Variants in PHLPP1 observed in about 807,000 individuals in gnomAD.
The protein encoded by PHLPP1 is PH domain and leucine rich repeat protein phosphatase 1, also known as PH domain leucine-rich repeat-containing protein phosphatase 1.
In PHLPP1, 42 loss-of-function variants were observed where a neutral mutation model predicts 117.2. The ratio of observed to expected loss-of-function variants is 0.36; its 90% CI spans 0.28 to 0.46. The LOEUF is 0.46. Ranked by LOEUF, PHLPP1 falls within the 20% of genes least tolerant of loss-of-function variation. The pLI is 1.00. For missense variants in PHLPP1, 2,084 were observed against 2,241.9 expected (o/e 0.93, Z 1.42); for synonymous variants, 1,042 against 970.7 (o/e 1.07, Z -1.37).
intron 1 of PHLPP1, among the ~76,000 whole-genome samples, chr18:62,768,268 C>G (rs900261106): frequency 4.6e-5 from 7 of 152,126 alleles, no homozygotes; most frequent in African/African-American, 1.7e-4. Context: ...AATATTGTCT[C>G]CCTTTTTTCA....
At chr18:62,899,358 A>G (rs1482682006) in intron 6 of PHLPP1, among the ~76,000 whole-genome samples, 1 of 152,134 alleles carries the variant, frequency 6.6e-6, no homozygotes, top group African/African-American at 2.4e-5. Flanking sequence ...TGTAGAAGCT[A>G]TTCAGGCAGG....
intron 1 of PHLPP1, among the ~76,000 whole-genome samples, chr18:62,804,907 A>G (rs531820906): frequency 6.7e-6 from 1 of 149,832 alleles, no homozygotes; most frequent in South Asian, 2.1e-4. Context: ...ATACATATAC[A>G]GTATAATATA....
chr18:62,724,132 A>G (rs1380467489), intron 1 of PHLPP1, among the ~76,000 whole-genome samples: 1 of 152,154 alleles, frequency 6.6e-6, no homozygotes, highest in East Asian at 1.9e-4. Context: ...TCGATGTTTG[A>G]TTACCCCGTT....
chr18:62,819,764 G>A (rs1914395457), intron 1 of PHLPP1, among the ~76,000 whole-genome samples: 1 of 152,176 alleles, frequency 6.6e-6, no homozygotes, highest in Non-Finnish European at 1.5e-5. Context: ...TCCTGCCTCA[G>A]CCTCCCGAGT....
At chr18:62,883,340 T>C (rs61354420) in intron 4 of PHLPP1, among the ~76,000 whole-genome samples, 2,676 of 152,278 alleles carry the variant, frequency 0.018, 76 homozygotes, top group African/African-American at 0.061. Flanking sequence ...GCAGGTGGTA[T>C]TCAGGGAATG....
chr18:62,967,832 T>TA lies in PHLPP1; in HGVS notation c.3560+4360_3560+4361insA, dbSNP rs1910946432. 2.6e-5 allele frequency among the ~76,000 whole-genome samples: 4 copies of TA among 152,068 alleles called. No individual in the cohort carries two copies. In the East Asian group the frequency reaches 7.7e-4, roughly 29 times the overall value. Reference sequence around the variant, plus strand: ...GTCACGATGTAGTATATTTTTCTTTTTTTTTTTTTTAGACAGCGTTTCACT... The same window carrying TA: ...GTCACGATGTAGTATATTTTTCTTTTATTTTTTTTTTAGACAGCGTTTCACT... On this transcript the variant is annotated intron_variant, in intron 14 of 16. Coordinates refer to ENST00000262719, the MANE Select transcript of PHLPP1 (RefSeq NM_194449.4).
chr18:62,963,798 C>T (rs1910831615), intron 14 of PHLPP1, among the ~76,000 whole-genome samples: 1 of 152,204 alleles, frequency 6.6e-6, no homozygotes, highest in South Asian at 2.1e-4. Flanking sequence ...GCTCCTTTAT[C>T]TTCCTCTGAC....
Position 62,972,378 on chromosome 18 carries a change from T to C in PHLPP1, c.3561-136T>C, listed in dbSNP as rs915890705. On this transcript the variant is annotated intron_variant, in intron 14 of 16. Coordinates refer to ENST00000262719, the MANE Select transcript of PHLPP1 (RefSeq NM_194449.4). Reference sequence around the variant, plus strand: ...GCTGTTGGAAATTAGCTGGAGTCAGTTTACCTGCCCTTAATCTGTCTGGAG... The same window carrying C: ...GCTGTTGGAAATTAGCTGGAGTCAGCTTACCTGCCCTTAATCTGTCTGGAG... 1.3e-5 allele frequency: 9 copies of C among 692,398 alleles called. No homozygotes were observed. In the African/African-American group the frequency reaches 1.6e-4, roughly 13 times the overall value. 42.9% of individuals were successfully genotyped at this position (692,398 alleles called of 1,614,324 possible). A position where few individuals can be genotyped will look rare whatever the true frequency, so the allele number is the denominator to read the frequency against.
chr18:62,721,447 T>G (rs568766849), intron 1 of PHLPP1, among the ~76,000 whole-genome samples: 1 of 152,150 alleles, frequency 6.6e-6, no homozygotes, highest in East Asian at 1.9e-4. Flanking sequence ...TGTGTGTGTG[T>G]GTGTGTGTGT....
At position 62,903,068 on chromosome 18, in the gene PHLPP1, T is replaced by G; in HGVS notation, c.2549T>G (p.Ile850Ser). Residue 850 changes from isoleucine (I) to serine (S), a missense_variant, in exon 7 of 17, where the codon ATT becomes AGT. By Grantham distance (142) the Ile-to-Ser change is moderately radical. Transcript: ENST00000262719. ...AAGCTTGGTGATCTAGATGCTATGA[T>G]TTTCAACAACATTGAAGTTTTACAC... Reference protein sequence around the residue: ...DNKLGDLDAMIFNNIEVLHCE... With the variant: ...DNKLGDLDAMSFNNIEVLHCE... The G allele has an allele frequency of 1.9e-6, 3 of 1,613,448 alleles. No individual in the cohort carries two copies. Among genetic ancestry groups the G allele is most frequent in the Non-Finnish European group, 2.5e-6 (3 of 1,179,470 alleles).
intron 1 of PHLPP1, among the ~76,000 whole-genome samples, chr18:62,806,012 T>G (rs1383258127): frequency 6.6e-6 from 1 of 152,220 alleles, no homozygotes; most frequent in Non-Finnish European, 1.5e-5. Flanking sequence ...ATGGTTGTTC[T>G]GTTTCTTTTG....
chr18:62,872,170 A>G (rs916172222), intron 4 of PHLPP1, among the ~76,000 whole-genome samples: 1 of 152,230 alleles, frequency 6.6e-6, no homozygotes, highest in African/African-American at 2.4e-5. Context: ...GAAGACCTAA[A>G]GAAGTGACAA....
chr18:62,890,201 T>C (rs1168933422), intron 4 of PHLPP1, among the ~76,000 whole-genome samples: 1 of 152,104 alleles, frequency 6.6e-6, no homozygotes, highest in Non-Finnish European at 1.5e-5. Flanking sequence ...ATACATAAAA[T>C]GAATGGGAGA....
chr18:62,727,853 T>C (rs1033342922), intron 1 of PHLPP1, among the ~76,000 whole-genome samples: 3 of 152,078 alleles, frequency 2.0e-5, no homozygotes, highest in Non-Finnish European at 4.4e-5. Context: ...GCAGCTTATG[T>C]GCTTCTGGAT....
At chr18:62,963,795 T>C (rs1910831472) in intron 14 of PHLPP1, among the ~76,000 whole-genome samples, 1 of 152,218 alleles carries the variant, frequency 6.6e-6, no homozygotes, top group Non-Finnish European at 1.5e-5. Context: ...AAAGCTCCTT[T>C]ATCTTCCTCT....
intron 3 of PHLPP1, among the ~76,000 whole-genome samples, chr18:62,854,968 A>G (rs1464215347): frequency 6.6e-6 from 1 of 152,106 alleles, no homozygotes; most frequent in African/African-American, 2.4e-5. Flanking sequence ...TAGTGTTGGG[A>G]TTACAGGCAT....
At chr18:62,946,424 C>T (rs543107457) in intron 12 of PHLPP1, among the ~76,000 whole-genome samples, 3 of 152,224 alleles carry the variant, frequency 2.0e-5, no homozygotes, top group African/African-American at 7.2e-5. Flanking sequence ...TGCCACCATG[C>T]CCAGCTAACT....
intron 11 of PHLPP1, among the ~76,000 whole-genome samples, chr18:62,944,908 A>T: frequency 6.6e-6 from 1 of 152,172 alleles, no homozygotes; most frequent in East Asian, 1.9e-4. Flanking sequence ...TGACAATTTG[A>T]AGAGTTGAAT....
intron 1 of PHLPP1, among the ~76,000 whole-genome samples, chr18:62,819,811 A>C (rs905402775): frequency 3.3e-5 from 5 of 152,140 alleles, no homozygotes; most frequent in African/African-American, 1.2e-4. Context: ...ACACCTAGCA[A>C]ATTTCTGTAT....
Sources: gnomAD v4.1 joint callset for allele counts (sites outside exome capture counted in the v4.1 genomes callset) on GRCh38, gnomAD v4.1.1 for gene constraint, MANE v1.5 for transcripts, NCBI Gene and HGNC (gene_info 2026-07-23, HGNC 2026-07-21) for gene names.